The following SPNS2 variants were observed in gnomAD, a reference collection of about 807,000 sequenced individuals.
The protein encoded by SPNS2 is SPNS lysolipid transporter 2, sphingosine-1-phosphate.
SPNS2 carries 37 observed loss-of-function variants against 57.6 expected under a neutral mutation model. The ratio of observed to expected loss-of-function variants is 0.64; its 90% CI spans 0.49 to 0.85. SPNS2 has a LOEUF of 0.85. SPNS2 is among the 40% of genes least tolerant of loss of function. SPNS2 has a pLI of 0.00. For missense variants in SPNS2, 831 were observed against 779.1 expected (o/e 1.07, Z -0.79); for synonymous variants, 440 against 346.9 (o/e 1.27, Z -2.98).
At chr17:4,527,388 T>C (rs1467042414) in intron 3 of SPNS2, among the ~76,000 whole-genome samples, 1 of 152,170 alleles carries the variant, frequency 6.6e-6, no homozygotes, top group African/African-American at 2.4e-5. Context: ...AGGATGAAAG[T>C]TGCATCTCAA....
Position 4,533,779 on chromosome 17 carries a change from C to T in SPNS2, c.1279-9C>T, listed in dbSNP as rs1905617260. 2 of 1,613,702 alleles carry T rather than the reference C, an allele frequency of 1.2e-6. No homozygotes were observed. The highest frequency in any genetic ancestry group is 1.3e-5 in the African/African-American group (1 of 75,052). On this transcript the variant is annotated splice_polypyrimidine_tract_variant and intron_variant, in intron 8 of 12. Transcript: ENST00000329078. ...ACCGCTGATGGTGGCTTTGCCTTCT[C>T]CCCGGCAGATCTGTATCTTCGTCGG...
At chr17:4,534,948 G>T (rs569996442) in intron 9 of SPNS2, among the ~76,000 whole-genome samples, 18 of 152,310 alleles carry the variant, frequency 1.2e-4, no homozygotes, top group Admixed American at 2.6e-4. Flanking sequence ...TTTATTAAGT[G>T]TAACAGTTTA....
intron 1 of SPNS2, among the ~76,000 whole-genome samples, chr17:4,504,611 C>CT (rs951312961): frequency 1.3e-5 from 2 of 152,198 alleles, no homozygotes; most frequent in African/African-American, 4.8e-5. Context: ...TCCCCAGAAC[C>CT]TTCTGCAATA....
rs1395996475 is a variant in SPNS2 at position 4,499,177 on chromosome 17, G to T, written c.130G>T (p.Gly44Cys). Residue 44 changes from glycine (G) to cysteine (C), a missense_variant, in exon 1 of 13, where the codon GGC becomes TGC. By Grantham distance (159) the Gly-to-Cys change is radical. Transcript: ENST00000329078. The surrounding 1 kb of genome is among the most constrained non-coding windows in gnomAD (Gnocchi z 5.2). The stretch of plus-strand genomic sequence containing the variant: ...CGGTAGCGGTTGCTGCGGGGCGCGG[G>T]GCGCGGGCGGCGCTGGAGTCTCGGC... ...AGGSGCCGAR[G>C]AGGAGVSAAG... The T allele has an allele frequency of 6.5e-6, 8 of 1,239,922 alleles. No individual in the cohort carries two copies. In the South Asian group the frequency reaches 2.6e-4, roughly 41 times the overall value. The allele number at this position is 1,239,922 out of a possible 1,614,324, so 76.8% of individuals were successfully genotyped here. A position where few individuals can be genotyped will look rare whatever the true frequency, so the allele number is the denominator to read the frequency against.
At chr17:4,531,265 T>C in intron 5 of SPNS2, 146 bp downstream of exon 5, 1 of 733,382 alleles carries the variant, frequency 1.4e-6, no homozygotes, top group Non-Finnish European at 2.3e-6. Flanking sequence ...CCCTTCCAGA[T>C]TAGTCCAGAT....
In SPNS2 at chr17:4,526,603, CA is replaced by C. The variant is rs370457376; in HGVS notation, c.573+1423del. ...GGGTGACAAGAGCAAAACTCCATCT[CA>C]AAAAAAAAAAAAGAAAAAGAAAGAA... On this transcript the variant is annotated intron_variant, in intron 3 of 12. Coordinates refer to ENST00000329078, the MANE Select transcript of SPNS2 (RefSeq NM_001124758.3). 8.8e-3 allele frequency among the ~76,000 whole-genome samples: 1,134 copies of C among 128,378 alleles called. 13 individuals carry two copies. Among genetic ancestry groups the C allele is most frequent in the African/African-American group, 0.026 (904 of 35,084 alleles). The allele number at this position is 128,378 out of a possible 152,430, so 84.2% of individuals were successfully genotyped here. A position where few individuals can be genotyped will look rare whatever the true frequency, so the allele number is the denominator to read the frequency against.
At chr17:4,508,808 A>G (rs1904751548) in intron 1 of SPNS2, among the ~76,000 whole-genome samples, 1 of 152,078 alleles carries the variant, frequency 6.6e-6, no homozygotes. Flanking sequence ...GGGCCAGTGG[A>G]TCTTAAAGGA....
Position 4,537,729 on chromosome 17 carries a change from C to T in SPNS2, c.*281C>T. The T allele has an allele frequency of 2.2e-6, 1 of 456,744 alleles. No homozygotes were observed. Among genetic ancestry groups the T allele is most frequent in the Non-Finnish European group, 4.4e-6 (1 of 226,946 alleles). 28.3% of individuals were successfully genotyped at this position (456,744 alleles called of 1,614,324 possible). On this transcript the variant is annotated 3_prime_UTR_variant, in exon 13 of 13. Transcript: ENST00000329078. ...CCTGGGGCCAAGGAAGAAGACAGCC[C>T]CAAGTGGGTGTCCGGGGAGAGCCTG...
rs1173088798 is a variant in SPNS2 at position 4,512,034 on chromosome 17, C to A, written c.371-1213C>A. On this transcript the variant is annotated intron_variant, in intron 1 of 12. Coordinates refer to ENST00000329078, the MANE Select transcript of SPNS2 (RefSeq NM_001124758.3). The surrounding 1 kb of genome is among the most constrained non-coding windows in gnomAD (Gnocchi z 5.2). ...TCAACTTGGATCCTAGTACCAGCCT[C>A]CTAGGGCTGTGTGGGGATTATACAG... Among the ~76,000 whole-genome samples the A allele has an allele frequency of 1.3e-5, 2 of 152,180 alleles. No homozygotes were observed. Among genetic ancestry groups the A allele is most frequent in the Non-Finnish European group, 1.5e-5 (1 of 68,026 alleles).
intron 9 of SPNS2, chr17:4,534,279 C>G: frequency 4.0e-6 from 1 of 247,574 alleles, no homozygotes; most frequent in Non-Finnish European, 8.1e-6. Flanking sequence ...TTCACAGGGC[C>G]AACAATGGGC....
intron 2 of SPNS2, among the ~76,000 whole-genome samples, chr17:4,522,346 G>A (rs1217440732): frequency 6.6e-6 from 1 of 152,196 alleles, no homozygotes; most frequent in Non-Finnish European, 1.5e-5. Context: ...AGGAGCGGAG[G>A]TGAATTTGAG....
In SPNS2 at chr17:4,533,787, G is replaced by A; in HGVS notation, c.1279-1G>A. The A allele has an allele frequency of 6.2e-7, 1 of 1,613,782 alleles. No homozygotes were observed. The highest frequency in any genetic ancestry group is 1.1e-5 in the South Asian group (1 of 91,072). On this transcript the variant is annotated splice_acceptor_variant, in intron 8 of 12. Transcript: ENST00000329078. LOFTEE classifies it high-confidence loss of function. ...TGGTGGCTTTGCCTTCTCCCCGGCA[G>A]ATCTGTATCTTCGTCGGGGAGACGC...
Position 4,537,822 on chromosome 17 carries a change from G to A in SPNS2, c.*374G>A, listed in dbSNP as rs919999839. 6.6e-6 allele frequency: 3 copies of A among 455,086 alleles called. No individual in the cohort carries two copies. The highest frequency in any genetic ancestry group is 6.0e-5 in the African/African-American group (3 of 50,062). The allele number at this position is 455,086 out of a possible 1,614,324, so 28.2% of individuals were successfully genotyped here. On this transcript the variant is annotated 3_prime_UTR_variant, in exon 13 of 13. Transcript: ENST00000329078. ...CCCTGGAACGAAGGGCCAGGGGGCT[G>A]GACTTTCCCACACAACTTGCTGGGC...
intron 9 of SPNS2, among the ~76,000 whole-genome samples, chr17:4,534,617 G>C (rs140818425): frequency 1.3e-5 from 2 of 151,568 alleles, no homozygotes; most frequent in African/African-American, 2.4e-5. Context: ...CAGGCACTGC[G>C]GCCCCTGCAC....
intron 3 of SPNS2, among the ~76,000 whole-genome samples, chr17:4,527,774 G>A (rs1854731845): frequency 1.3e-5 from 2 of 152,150 alleles, no homozygotes; most frequent in Admixed American, 6.6e-5. Flanking sequence ...GGGGAATCGG[G>A]GACTCCAGCC....
intron 1 of SPNS2, among the ~76,000 whole-genome samples, chr17:4,508,517 G>A (rs1277215815): frequency 6.6e-6 from 1 of 152,218 alleles, no homozygotes; most frequent in African/African-American, 2.4e-5. Context: ...CCAGGGAGGT[G>A]AAAAGTCATG....
At chr17:4,522,217 CA>C (rs1186721925) in intron 2 of SPNS2, among the ~76,000 whole-genome samples, 1 of 152,120 alleles carries the variant, frequency 6.6e-6, no homozygotes, top group African/African-American at 2.4e-5. Context: ...AAGAAATGAG[CA>C]AACACGCCAC....
At chr17:4,528,536 C>T (rs1432577270) in intron 3 of SPNS2, among the ~76,000 whole-genome samples, 1 of 151,980 alleles carries the variant, frequency 6.6e-6, no homozygotes, top group Non-Finnish European at 1.5e-5. Context: ...AATCTCGGCT[C>T]ACTGCAACCT....
rs1222827466 is a variant in SPNS2, at chr17:4,512,128, G to A, written c.371-1119G>A. On this transcript the variant is annotated intron_variant, in intron 1 of 12. Transcript: ENST00000329078. The surrounding 1 kb of genome is among the most constrained non-coding windows in gnomAD (Gnocchi z 5.2). Reference sequence around the variant, plus strand: ...GCCATCATCATCGTCATCATGAAGAGCTCTGGAGTCCCCCAAAGGCTTCTG... The same window carrying A: ...GCCATCATCATCGTCATCATGAAGAACTCTGGAGTCCCCCAAAGGCTTCTG... Among the ~76,000 whole-genome samples the A allele has an allele frequency of 6.6e-6, 1 of 152,196 alleles. No homozygotes were observed. The highest frequency in any genetic ancestry group is 1.5e-5 in the Non-Finnish European group (1 of 68,042).
Sources: allele counts gnomAD v4.1 joint callset (sites outside exome capture counted in the v4.1 genomes callset), GRCh38; gene constraint gnomAD v4.1.1; non-coding constraint Gnocchi (gnomAD v3.1); transcripts MANE v1.5; gene names NCBI Gene and HGNC (gene_info 2026-07-23, HGNC 2026-07-21).